ZNF541: variants seen among roughly 807,000 people sequenced by gnomAD.
ZNF541 encodes zinc finger protein 541.
Under a neutral mutation model 123.5 loss-of-function variants are expected in ZNF541, and 23 were observed. That is an observed-to-expected ratio of 0.19 (90% confidence interval 0.13 to 0.26). The LOEUF (loss-of-function observed/expected upper bound fraction) is 0.26. Ranked by LOEUF, ZNF541 falls within the 10% of genes least tolerant of loss-of-function variation. The pLI, the probability that ZNF541 is intolerant of heterozygous loss-of-function variation, is 1.00. For synonymous variants in ZNF541, 751 were observed against 754.5 expected (o/e 1.00, Z 0.08); for missense variants, 1,612 against 1,789.9 (o/e 0.90, Z 1.79).
rs1372622778 is a variant in ZNF541, at chr19:47,544,866, T to A, written c.1663A>T (p.Met555Leu). 1 of 1,536,162 alleles carries A rather than the reference T, an allele frequency of 6.5e-7. No individual in the cohort carries two copies. The highest frequency in any genetic ancestry group is 8.7e-7 in the Non-Finnish European group (1 of 1,146,780). Residue 555 changes from methionine to leucine, a missense_variant, in exon 5 of 17, where the codon ATG becomes TTG. Met to Leu is a conservative substitution (Grantham distance 15). This residue lies in a region of ZNF541 where 1,080 missense variants were observed against 1,013.8 expected (regional missense o/e 1.07). Transcript: ENST00000391901. ...SQEPLVSHEQ[M>L]QVFQMITKSQ... ...TTGGTGATCATCTGGAACACCTGCA[T>A]CTGCTCGTGGCTCACAAGAGGTTCC... is the stretch of plus-strand genomic sequence containing the variant.
chr19:47,526,797 A>G (rs1261701346), intron 14 of ZNF541, among the ~76,000 whole-genome samples: 3 of 152,218 alleles, frequency 2.0e-5, no homozygotes, highest in Admixed American at 2.0e-4. Context: ...AAAGTTAAGC[A>G]TACACCTACT....
At chr19:47,531,134 C>A (rs981127951) in intron 12 of ZNF541, among the ~76,000 whole-genome samples, 5 of 147,274 alleles carry the variant, frequency 3.4e-5, no homozygotes, top group African/African-American at 1.2e-4. Context: ...AAGACCATGG[C>A]ATGACTCTTA....
At chr19:47,528,133 G>A (rs1226528577) in intron 14 of ZNF541, among the ~76,000 whole-genome samples, 3 of 142,214 alleles carry the variant, frequency 2.1e-5, no homozygotes, top group Non-Finnish European at 4.6e-5. Context: ...TGACCAACAT[G>A]GAGAAACCCC....
rs768974555 is a variant in ZNF541, at chr19:47,532,207, A to G, written c.3222T>C (p.Ala1074=). The change falls in exon 11 of 17, where the codon GCT becomes GCC. Residue 1074 remains alanine, a synonymous_variant. Coordinates refer to ENST00000391901, the MANE Select transcript of ZNF541 (RefSeq NM_001277075.3). ...EIPELQERSL[A]GTDEHVASLV... ...GAGAAGCTACATGCTCGTCAGTTCC[A>G]GCCAGGGATCTCTCCTGGAGTTCCG... 82 of 1,551,740 alleles carry G rather than the reference A, an allele frequency of 5.3e-5. No individual in the cohort carries two copies. Among genetic ancestry groups the G allele is most frequent in the Non-Finnish European group, 1.7e-6 (2 of 1,147,030 alleles).
intron 14 of ZNF541, among the ~76,000 whole-genome samples, chr19:47,526,256 C>A (rs2122885851): frequency 6.6e-6 from 1 of 152,054 alleles, no homozygotes; most frequent in South Asian, 2.1e-4. Context: ...CCAAGGTGGG[C>A]AGATCACCTG....
At chr19:47,560,643 CATCT>C (rs1971024523) in intron 2 of ZNF541, among the ~76,000 whole-genome samples, 2 of 150,342 alleles carry the variant, frequency 1.3e-5, no homozygotes, top group East Asian at 3.9e-4. Context: ...TTTTTTTCTG[CATCT>C]ATTTGATGAT....
intron 3 of ZNF541, among the ~76,000 whole-genome samples, chr19:47,553,495 G>C (rs942042606): frequency 7.0e-6 from 1 of 142,142 alleles, no homozygotes; most frequent in Non-Finnish European, 1.5e-5. Context: ...TGCAACCTCC[G>C]ACTCCCTGGT....
chr19:47,555,650 C>G lies in ZNF541; in HGVS notation c.207G>C (p.Glu69Asp). 1 of 1,551,712 alleles carries G rather than the reference C, an allele frequency of 6.4e-7. No homozygotes were observed. The highest frequency in any genetic ancestry group is 8.7e-7 in the Non-Finnish European group (1 of 1,146,996). ...PTPDMSSEVL[E>D]DNLDTLSLYS... ...ACAGGGACAAGGTGTCTAAGTTGTCCTCCAGCACCTCGCTGGACATGTCAG... is the reference window on the plus strand; with the variant it reads ...ACAGGGACAAGGTGTCTAAGTTGTCGTCCAGCACCTCGCTGGACATGTCAG... Residue 69 changes from glutamate (E) to aspartate (D), a missense_variant, in exon 3 of 17, where the codon GAG (glutamate) becomes GAC (aspartate). Transcript: ENST00000391901.
In ZNF541 at chr19:47,521,597, T is replaced by C. The variant is rs1969032109; in HGVS notation, c.3769A>G (p.Lys1257Glu). The C allele has an allele frequency of 7.7e-6, 12 of 1,551,696 alleles. No individual in the cohort carries two copies. The highest frequency in any genetic ancestry group is 9.6e-6 in the Non-Finnish European group (11 of 1,146,966). ...AGGATGGACTCCCTCCTATAACTCT[T>C]GGTCTTTAACTTGGGAGTTGGATGG... ...SHHPTPKLKT[K>E]SYRRESILSS... Residue 1257 changes from lysine (K) to glutamate (E), a missense_variant, in exon 16 of 17, where the codon AAG (lysine) becomes GAG (glutamate). Lys to Glu is a moderately conservative substitution (Grantham distance 56). Transcript: ENST00000391901. This position sits in a 1 kb window ranked among gnomAD's most constrained non-coding sequence, Gnocchi z 4.2.
Position 47,540,340 on chromosome 19 carries a change from G to A in ZNF541, c.2463-5C>T, listed in dbSNP as rs1970027136. ...GGACTGCCGTTTTGCTGGTTACTGT[G>A]GGACATGGCAGGAAAGAAGAGTGGG... is the stretch of plus-strand genomic sequence containing the variant. On this transcript the variant is annotated splice_polypyrimidine_tract_variant and splice_region_variant and intron_variant, in intron 6 of 16. Coordinates refer to ENST00000391901, the MANE Select transcript of ZNF541 (RefSeq NM_001277075.3). The A allele has an allele frequency of 6.5e-7, 1 of 1,549,948 alleles. No homozygotes were observed. The highest frequency in any genetic ancestry group is 8.7e-7 in the Non-Finnish European group (1 of 1,145,880).
chr19:47,571,845 C>T (rs1030505228), intron 2 of ZNF541, among the ~76,000 whole-genome samples, 51 bp downstream of exon 2: 1 of 152,158 alleles, frequency 6.6e-6, no homozygotes, highest in Non-Finnish European at 1.5e-5. Context: ...AGAACGAGAT[C>T]TATCCAACAA....
rs555751958 is a variant in ZNF541 at position 47,540,915 on chromosome 19, C to T, written c.2440G>A (p.Glu814Lys). The T allele has an allele frequency of 8.4e-6, 13 of 1,551,292 alleles. No individual in the cohort carries two copies. In the Admixed American group the frequency reaches 2.4e-4, roughly 28 times the overall value. Residue 814 changes from glutamate (E) to lysine (K), a missense_variant, in exon 6 of 17, where the codon GAA becomes AAA. Physicochemically the swap from Glu to Lys is moderately conservative, Grantham distance 56 (BLOSUM62 1). This residue lies in a region of ZNF541 where 1,080 missense variants were observed against 1,013.8 expected (regional missense o/e 1.07). Transcript: ENST00000391901. ...TACCCTCTGCCTGCCACATTCTCTT[C>T]CTTCACCGGATGGGGGAGCCTGTAG... ...NIYRLPHPVK[E>K]ENVAGRGNQQ... is the part of the protein sequence containing the mutation.
chr19:47,546,098 A>G, intron 4 of ZNF541, 118 bp from the exon 5 acceptor site: 1 of 887,004 alleles, frequency 1.1e-6, no homozygotes, highest in Non-Finnish European at 1.6e-6. Flanking sequence ...CAGAAATTGT[A>G]CTCAGCCCCC....
At chr19:47,538,520 A>G in intron 8 of ZNF541, 81 bp from the exon 9 acceptor site, 1 of 1,373,868 alleles carries the variant, frequency 7.3e-7, no homozygotes, top group South Asian at 1.6e-5. Flanking sequence ...AGAGAGCAGG[A>G]AAAGGAGACC....
chr19:47,557,534 C>T (rs1013764198), intron 2 of ZNF541, among the ~76,000 whole-genome samples: 5 of 152,104 alleles, frequency 3.3e-5, no homozygotes, highest in Non-Finnish European at 7.4e-5. Flanking sequence ...GCTCAACATA[C>T]AGGCATGAGA....
chr19:47,545,516 G>A lies in ZNF541; in HGVS notation c.1013C>T (p.Pro338Leu). Residue 338 changes from proline to leucine, a missense_variant, in exon 5 of 17, where the codon CCT becomes CTT. Pro to Leu is a moderately conservative substitution (Grantham distance 98, BLOSUM62 -3). Coordinates refer to ENST00000391901, the MANE Select transcript of ZNF541 (RefSeq NM_001277075.3). The surrounding 1 kb of genome is among the most constrained non-coding windows in gnomAD (Gnocchi z 7.5). ...AALDTELPEE[P>L]CLPQKEPATD... is the part of the protein sequence containing the mutation. ...GGCCGGCTCTTTCTGTGGGAGGCAA[G>A]GCTCCTCGGGAAGCTCGGTGTCCAG... 1 of 1,509,368 alleles carries A rather than the reference G, an allele frequency of 6.6e-7. No homozygotes were observed. The highest frequency in any genetic ancestry group is 8.9e-7 in the Non-Finnish European group (1 of 1,124,936). The allele number at this position is 1,509,368 out of a possible 1,614,324, so 93.5% of individuals were successfully genotyped here. A position where few individuals can be genotyped will look rare whatever the true frequency, so the allele number is the denominator to read the frequency against.
rs143567347 is a variant in ZNF541 at position 47,569,687 on chromosome 19, A to AT, written c.-99+2208dup. Among the ~76,000 whole-genome samples the AT allele has an allele frequency of 3.6e-3, 552 of 151,884 alleles. 5 individuals carry two copies. The highest frequency in any genetic ancestry group is 0.013 in the African/African-American group (536 of 41,428). ...AGACCAGCCCGGGCAACAAAGTGAG[A>AT]TCCCCGCCGCCCCCCACCCATCTCT... On this transcript the variant is annotated intron_variant, in intron 2 of 16. Transcript: ENST00000391901.
rs940605146 is a variant in ZNF541, at chr19:47,548,637, A to C, written c.548+608T>G. On this transcript the variant is annotated intron_variant, in intron 4 of 16. Transcript: ENST00000391901. ...AAGTTAGCCCAACTCCTCCCATGAC[A>C]CAATTGACTCAGAAGCCAGCTGTTA... Among the ~76,000 whole-genome samples the C allele has an allele frequency of 3.9e-5, 6 of 152,032 alleles. No individual in the cohort carries two copies. In the East Asian group the frequency reaches 7.7e-4, roughly 20 times the overall value.
At chr19:47,562,932 T>C (rs916772303) in intron 2 of ZNF541, among the ~76,000 whole-genome samples, 1 of 152,234 alleles carries the variant, frequency 6.6e-6, no homozygotes, top group African/African-American at 2.4e-5. Context: ...ATAATTCTGC[T>C]CACACCTAGA....
Sources: allele counts gnomAD v4.1 joint callset (sites outside exome capture counted in the v4.1 genomes callset), GRCh38; gene constraint gnomAD v4.1.1; regional missense constraint gnomAD v4.1.1; non-coding constraint Gnocchi (gnomAD v3.1); transcripts MANE v1.5; gene names NCBI Gene and HGNC (gene_info 2026-07-23, HGNC 2026-07-21).